ZFHX3: variants seen among roughly 807,000 people sequenced by gnomAD.
ZFHX3 encodes the protein zinc finger homeobox 3.
A neutral mutation model predicts 279.1 loss-of-function variants in ZFHX3; 42 were observed. The observed-to-expected ratio is 0.15, with a 90% CI of 0.12 to 0.19. The LOEUF is 0.19. Ranked by LOEUF, ZFHX3 falls within the 10% of genes least tolerant of loss-of-function variation. The pLI is 1.00. For missense variants in ZFHX3, 4,981 were observed against 4,754.0 expected (o/e 1.05, Z -1.40); for synonymous variants, 2,293 against 1,957.8 (o/e 1.17, Z -4.52).
In ZFHX3 at chr16:72,788,693, G is replaced by C; in HGVS notation, c.9583C>G (p.Pro3195Ala). The C allele has an allele frequency of 6.2e-7, 1 of 1,613,130 alleles. No individual in the cohort carries two copies. The highest frequency in any genetic ancestry group is 8.5e-7 in the Non-Finnish European group (1 of 1,179,496). ...QATMAMGPQQ[P>A]PQQQQQQQQP... ...TGCTGCTGCTGCTGCTGCTGGGGGGGTTGCTGAGGGCCCATCGCCATCGTG... is the reference window on the plus strand; with the variant it reads ...TGCTGCTGCTGCTGCTGCTGGGGGGCTTGCTGAGGGCCCATCGCCATCGTG... The change falls in exon 10 of 10, where the codon CCC becomes GCC. Residue 3195 changes from proline (P) to alanine (A), a missense_variant. Pro to Ala is a conservative substitution (Grantham distance 27). Coordinates refer to ENST00000268489, the MANE Select transcript of ZFHX3 (RefSeq NM_006885.4).
intron 1 of ZFHX3, among the ~76,000 whole-genome samples, chr16:73,682,649 T>C (rs1005635728): frequency 1.3e-5 from 2 of 151,628 alleles, no homozygotes; most frequent in Non-Finnish European, 2.9e-5. Context: ...GAGCCGGTCA[T>C]GGTGGCATGC....
chr16:73,138,369 G>A (rs1966829548), intron 6 of ZFHX3, among the ~76,000 whole-genome samples: 1 of 152,144 alleles, frequency 6.6e-6, no homozygotes, highest in Admixed American at 6.6e-5. Flanking sequence ...ATCCATTCAA[G>A]AGGAGATGGA....
chr16:73,833,566 G>A (rs529346576), intron 1 of ZFHX3, among the ~76,000 whole-genome samples: 37 of 151,752 alleles, frequency 2.4e-4, no homozygotes, highest in African/African-American at 5.3e-4. Context: ...AGAACACACG[G>A]ATACAGGGAG....
chr16:72,858,682 G>A (rs1389867160), intron 4 of ZFHX3, among the ~76,000 whole-genome samples: 1 of 152,146 alleles, frequency 6.6e-6, no homozygotes, highest in Non-Finnish European at 1.5e-5. Flanking sequence ...CCTTGGAGGC[G>A]AGCAGCCGTG....
intron 1 of ZFHX3, among the ~76,000 whole-genome samples, chr16:73,785,913 C>T (rs978636466): frequency 2.0e-5 from 3 of 152,030 alleles, no homozygotes; most frequent in Admixed American, 6.6e-5. Flanking sequence ...TCTTGTTTCC[C>T]AGGCTGGAGT....
intron 1 of ZFHX3, among the ~76,000 whole-genome samples, chr16:73,866,022 C>T (rs958891854): frequency 4.0e-5 from 6 of 151,854 alleles, no homozygotes; most frequent in African/African-American, 2.4e-5. Flanking sequence ...ACAAAACATG[C>T]TACTGCCCTA....
At chr16:73,742,181 C>A (rs779888612) in intron 1 of ZFHX3, among the ~76,000 whole-genome samples, 1 of 152,224 alleles carries the variant, frequency 6.6e-6, no homozygotes, top group East Asian at 1.9e-4. Flanking sequence ...CATCTTTACA[C>A]TGAAGTTACA....
intron 3 of ZFHX3, among the ~76,000 whole-genome samples, chr16:73,370,088 G>A (rs976253145): frequency 7.9e-5 from 12 of 152,268 alleles, no homozygotes; most frequent in South Asian, 2.1e-4. Context: ...CCAGTCTTCC[G>A]GCTTCCTGCT....
chr16:73,643,143 T>C (rs534504639), intron 2 of ZFHX3, among the ~76,000 whole-genome samples: 1 of 152,254 alleles, frequency 6.6e-6, no homozygotes, highest in East Asian at 1.9e-4. Flanking sequence ...AAAACAATAT[T>C]TTAGGCAAAA....
At chr16:73,129,510 T>C (rs1272120131) in intron 7 of ZFHX3, among the ~76,000 whole-genome samples, 1 of 151,864 alleles carries the variant, frequency 6.6e-6, no homozygotes, top group Non-Finnish European at 1.5e-5. Flanking sequence ...TGTACCTTAA[T>C]TAGGAGATCG....
intron 1 of ZFHX3, among the ~76,000 whole-genome samples, chr16:73,753,986 A>ATGTGTGTGTGTGTGTGTGTGTGTGTGTG (rs1310925312): frequency 0.01 from 1,527 of 147,364 alleles, 17 homozygotes; most frequent in East Asian, 0.013. Flanking sequence ...GTAAGAATCA[A>ATGTGTGTGTGTGTGTGTGTGTGTGTGTG]TGTGTGTGTG....
chr16:72,998,133 G>A (rs4404097), intron 1 of ZFHX3, among the ~76,000 whole-genome samples: 20,421 of 151,956 alleles, frequency 0.13, 1,830 homozygotes, highest in East Asian at 0.33. Flanking sequence ...AGGTGCGGTG[G>A]CTCACACCTA....
chr16:73,752,752 C>T (rs1368114926), intron 1 of ZFHX3, among the ~76,000 whole-genome samples: 1 of 152,110 alleles, frequency 6.6e-6, no homozygotes, highest in Non-Finnish European at 1.5e-5. Flanking sequence ...CCAAGGGATA[C>T]CAGGACAAGG....
At chr16:73,623,444 C>T (rs2052387114) in intron 2 of ZFHX3, among the ~76,000 whole-genome samples, 1 of 152,144 alleles carries the variant, frequency 6.6e-6, no homozygotes. Context: ...ACAGACAGAG[C>T]TCCCCAAGGG....
chr16:73,204,398 G>A (rs577153269), intron 5 of ZFHX3, among the ~76,000 whole-genome samples: 1 of 152,296 alleles, frequency 6.6e-6, no homozygotes, highest in East Asian at 1.9e-4. Context: ...ATGGGAGACA[G>A]TGACAGATCA....
chr16:73,442,989 G>A (rs1306387297), intron 3 of ZFHX3, among the ~76,000 whole-genome samples: 1 of 152,062 alleles, frequency 6.6e-6, no homozygotes, highest in Non-Finnish European at 1.5e-5. Context: ...TTCTTCTAAG[G>A]ACACCAGTGA....
At chr16:72,819,146 T>C (rs1461953802) in intron 5 of ZFHX3, among the ~76,000 whole-genome samples, 1 of 152,202 alleles carries the variant, frequency 6.6e-6, no homozygotes, top group African/African-American at 2.4e-5. Flanking sequence ...TGTTACTTAT[T>C]AAGCAGTTTA....
At chr16:72,905,438 T>G (rs956592836) in intron 3 of ZFHX3, among the ~76,000 whole-genome samples, 1 of 152,098 alleles carries the variant, frequency 6.6e-6, no homozygotes, top group African/African-American at 2.4e-5. Flanking sequence ...TTCTTCTACA[T>G]CCCTAGCTAT....
chr16:73,067,298 A>G (rs1344480997), intron 8 of ZFHX3, among the ~76,000 whole-genome samples: 17 of 152,338 alleles, frequency 1.1e-4, no homozygotes, highest in Middle Eastern at 6.8e-3. Context: ...AAGCCCCGAC[A>G]GTTGAATGCT....
Sources: gnomAD v4.1 joint callset for allele counts (sites outside exome capture counted in the v4.1 genomes callset) on GRCh38, gnomAD v4.1.1 for gene constraint, MANE v1.5 for transcripts, NCBI Gene and HGNC (gene_info 2026-07-23, HGNC 2026-07-21) for gene names.